THRB: variants seen among roughly 807,000 people sequenced by gnomAD.
THRB encodes thyroid hormone receptor beta, also known as nuclear receptor subfamily 1 group A member 2.
In THRB, 12 loss-of-function variants were observed where a neutral mutation model predicts 47.8. That is an observed-to-expected ratio of 0.25 (90% confidence interval 0.16 to 0.41). THRB has a LOEUF of 0.41. Among genes scored for constraint, THRB ranks in the 10% least tolerant of loss-of-function variants. The pLI is 1.00. For synonymous variants in THRB, 218 were observed against 212.2 expected (o/e 1.03, Z -0.24); for missense variants, 348 against 589.2 (o/e 0.59, Z 4.24).
chr3:24,292,854 T>A (rs2056075508), intron 3 of THRB, among the ~76,000 whole-genome samples: 1 of 152,208 alleles, frequency 6.6e-6, no homozygotes, highest in African/African-American at 2.4e-5. Flanking sequence ...GGCAAGGGAA[T>A]CTTGGACTAT....
chr3:24,273,003 T>G (rs902300459), intron 3 of THRB, among the ~76,000 whole-genome samples: 1 of 152,176 alleles, frequency 6.6e-6, no homozygotes. Flanking sequence ...GATACCTCAG[T>G]ATATGACATC....
At chr3:24,136,343 A>G (rs761965669) in intron 8 of THRB, among the ~76,000 whole-genome samples, 12 of 152,188 alleles carry the variant, frequency 7.9e-5, no homozygotes, top group South Asian at 2.1e-4. Flanking sequence ...ATTTTTTTCC[A>G]TAATGGATCT....
Position 24,120,160 on chromosome 3 carries a change from G to A in THRB, c.*2724C>T, listed in dbSNP as rs1168003894. 6.6e-6 allele frequency: 1 copy of A among 152,232 alleles called. No individual in the cohort carries two copies. Among genetic ancestry groups the A allele is most frequent in the Non-Finnish European group, 1.5e-5 (1 of 68,056 alleles). The allele number at this position is 152,232 out of a possible 1,614,324, so 9.4% of individuals were successfully genotyped here. On this transcript the variant is annotated 3_prime_UTR_variant, in exon 11 of 11. Coordinates refer to ENST00000646209, the MANE Select transcript of THRB (RefSeq NM_001354712.2). ...CTAAGTACCTCTGTCAGCTTCAGAA[G>A]GAAGGAGTTTAGTTTCAGAGTCATT...
chr3:24,482,511 C>T (rs1053165712), intron 1 of THRB, among the ~76,000 whole-genome samples: 2 of 151,218 alleles, frequency 1.3e-5, no homozygotes, highest in Admixed American at 6.6e-5. Context: ...TTCATTCATT[C>T]GTTCTTTCTT....
intron 1 of THRB, among the ~76,000 whole-genome samples, chr3:24,434,422 G>C (rs2070739825): frequency 6.6e-6 from 1 of 152,282 alleles, no homozygotes; most frequent in Non-Finnish European, 1.5e-5. Context: ...GTAGATAACA[G>C]TACATAGGAA....
intron 3 of THRB, among the ~76,000 whole-genome samples, chr3:24,244,868 A>G (rs566765456): frequency 5.3e-5 from 8 of 152,330 alleles, no homozygotes; most frequent in South Asian, 4.2e-4. Flanking sequence ...TTACAACTCA[A>G]TGAAGACCAT....
At chr3:24,244,098 AGGAT>A (rs2049866870) in intron 3 of THRB, among the ~76,000 whole-genome samples, 2 of 152,088 alleles carry the variant, frequency 1.3e-5, no homozygotes, top group South Asian at 4.2e-4. Context: ...GATTGGTTTA[AGGAT>A]GGGGAGTGAC....
At position 24,473,737 on chromosome 3, in the gene THRB, C is replaced by T. The variant is rs142342195; in HGVS notation, c.-261+20915G>A. Among the ~76,000 whole-genome samples, 80 of 151,834 alleles carry T rather than the reference C, an allele frequency of 5.3e-4. 2 individuals carry two copies. Among genetic ancestry groups the T allele is most frequent in the Admixed American group, 5.1e-3 (78 of 15,252 alleles). ...GGATAAAGAAAATGTGGCACATATACACCACATATACTATGGAGCCATAAA... is the reference window on the plus strand; with the variant it reads ...GGATAAAGAAAATGTGGCACATATATACCACATATACTATGGAGCCATAAA... On this transcript the variant is annotated intron_variant, in intron 1 of 10. Coordinates refer to ENST00000646209, the MANE Select transcript of THRB (RefSeq NM_001354712.2).
chr3:24,252,890 G>A (rs1505301), intron 3 of THRB, among the ~76,000 whole-genome samples: 101,174 of 151,920 alleles, frequency 0.67, 34,155 homozygotes, highest in Middle Eastern at 0.77. Context: ...ATCTGTGGAT[G>A]GACACAAAGA....
intron 4 of THRB, among the ~76,000 whole-genome samples, chr3:24,221,814 T>C (rs1376546066): frequency 1.3e-5 from 2 of 152,200 alleles, no homozygotes; most frequent in Admixed American, 1.3e-4. Flanking sequence ...TTTTCGCTAG[T>C]CTGTCTGGAT....
chr3:24,194,895 C>T (rs750858825), intron 4 of THRB, among the ~76,000 whole-genome samples: 3 of 152,122 alleles, frequency 2.0e-5, no homozygotes, highest in South Asian at 2.1e-4. Context: ...GGGTAAGCTG[C>T]GTAGGCTGGG....
intron 1 of THRB, among the ~76,000 whole-genome samples, chr3:24,356,934 A>G (rs1197264788): frequency 1.3e-5 from 2 of 152,022 alleles, no homozygotes; most frequent in Non-Finnish European, 2.9e-5. Context: ...AACTTTCTTC[A>G]GGGGAGATGG....
chr3:24,278,312 A>T (rs1559807518), intron 3 of THRB, among the ~76,000 whole-genome samples: 1 of 152,230 alleles, frequency 6.6e-6, no homozygotes, highest in Non-Finnish European at 1.5e-5. Flanking sequence ...AGAAACTGGA[A>T]AAGAAATGAG....
At chr3:24,351,590 A>C (rs773274070) in intron 1 of THRB, among the ~76,000 whole-genome samples, 2 of 152,104 alleles carry the variant, frequency 1.3e-5, no homozygotes, top group Non-Finnish European at 2.9e-5. Context: ...GTTCTTATTT[A>C]GGTCAACTTC....
At chr3:24,300,639 A>G (rs1024805351) in intron 2 of THRB, among the ~76,000 whole-genome samples, 1 of 152,176 alleles carries the variant, frequency 6.6e-6, no homozygotes, top group Non-Finnish European at 1.5e-5. Flanking sequence ...AAGTTCAAAG[A>G]CCACAGGAAT....
chr3:24,338,196 A>T lies in THRB; in HGVS notation c.-260-825T>A, dbSNP rs1576954008. ...CTGTGCTCTAATTTTTTTTAATTTA[A>T]AAAAGGGTATATTTTAAAATAACAT... On this transcript the variant is annotated intron_variant, in intron 1 of 10. Coordinates refer to ENST00000646209, the MANE Select transcript of THRB (RefSeq NM_001354712.2). Among the ~76,000 whole-genome samples, 4 of 152,214 alleles carry T rather than the reference A, an allele frequency of 2.6e-5. No homozygotes were observed. The South Asian group carries it at 8.3e-4, about 32-fold the overall frequency.
chr3:24,468,445 T>C (rs13071846), intron 1 of THRB, among the ~76,000 whole-genome samples: 81,300 of 152,024 alleles, frequency 0.53, 21,956 homozygotes, highest in African/African-American at 0.61. Flanking sequence ...GCCTTCCTCA[T>C]TAAGTGTAAT....
chr3:24,241,262 G>A (rs1037322372), intron 3 of THRB, among the ~76,000 whole-genome samples: 4 of 152,156 alleles, frequency 2.6e-5, no homozygotes, highest in African/African-American at 7.2e-5. Flanking sequence ...GGGTTTTCAC[G>A]GCAGAATCAT....
chr3:24,260,168 T>C (rs977435556), intron 3 of THRB, among the ~76,000 whole-genome samples: 2 of 152,238 alleles, frequency 1.3e-5, no homozygotes, highest in Non-Finnish European at 2.9e-5. Context: ...CAAGCTCTTA[T>C]CTATATAATA....
Sources: gnomAD v4.1 joint callset for allele counts (sites outside exome capture counted in the v4.1 genomes callset) on GRCh38, gnomAD v4.1.1 for gene constraint, MANE v1.5 for transcripts, NCBI Gene and HGNC (gene_info 2026-07-23, HGNC 2026-07-21) for gene names.